Variants in EGF observed in about 807,000 individuals in gnomAD.
EGF encodes the protein pro-epidermal growth factor.
In EGF, 95 loss-of-function variants were observed where a neutral mutation model predicts 143.8. That is an observed-to-expected ratio of 0.66 (90% CI 0.56 to 0.78). The LOEUF (loss-of-function observed/expected upper bound fraction) is 0.78, where lower values mean the gene tolerates loss of function less well. Ranked by LOEUF, EGF falls within the 30% of genes least tolerant of loss-of-function variation. EGF has a pLI of 0.00. For synonymous variants in EGF, 510 were observed against 510.5 expected (o/e 1.00, Z 0.01); for missense variants, 1,320 against 1,470.9 (o/e 0.90, Z 1.68).
chr4:109,961,835 A>T, intron 7 of EGF, 28 bp from the exon 8 acceptor site: 1 of 1,612,612 alleles, frequency 6.2e-7, no homozygotes, highest in South Asian at 1.1e-5. Flanking sequence ...ATTTAACACT[A>T]ATCTTGACCT....
intron 2 of EGF, among the ~76,000 whole-genome samples, chr4:109,942,786 G>A (rs529064010): frequency 1.3e-5 from 2 of 152,278 alleles, no homozygotes; most frequent in African/African-American, 4.8e-5. Flanking sequence ...AGGGCCAGAA[G>A]AATAAAGGCC....
At chr4:109,966,773 T>C (rs566643943) in intron 10 of EGF, among the ~76,000 whole-genome samples, 1 of 152,324 alleles carries the variant, frequency 6.6e-6, no homozygotes, top group Non-Finnish European at 1.5e-5. Context: ...GATTTTGATT[T>C]TCATTTCTCT....
rs772189572 is a variant in EGF, at chr4:110,004,215, T to TACACAC, written c.3174-258_3174-253dup. 5,648 of 356,466 alleles carry TACACAC rather than the reference T, an allele frequency of 0.016. 41 individuals are homozygous for TACACAC. Among genetic ancestry groups the TACACAC allele is most frequent in the African/African-American group, 0.076 (2,331 of 30,548 alleles). 22.1% of individuals were successfully genotyped at this position (356,466 alleles called of 1,614,324 possible). A position where few individuals can be genotyped will look rare whatever the true frequency, so the allele number is the denominator to read the frequency against. On this transcript the variant is annotated intron_variant, in intron 21 of 23. Coordinates refer to ENST00000265171, the MANE Select transcript of EGF (RefSeq NM_001963.6). ...TCCCCCCAACATACATGGGCATACA[T>TACACAC]ACACACACACACACACACACACACA...
Position 110,004,563 on chromosome 4 carries a change from G to A in EGF, c.3232G>A (p.Val1078Met). Residue 1078 changes from valine (V) to methionine (M), a missense_variant, in exon 22 of 24, where the codon GTG becomes ATG. By Grantham distance (21) the Val-to-Met change is conservative. Coordinates refer to ENST00000265171, the MANE Select transcript of EGF (RefSeq NM_001963.6). ...KNPYEESSRD[V>M]RSRRPADTED... is the part of the protein sequence containing the mutation. ...TCCTTATGAGGAGTCGAGCAGAGAT[G>A]TGAGGAGTCGCAGGCCTGCTGACAC... 6.2e-7 allele frequency: 1 copy of A among 1,614,066 alleles called. No homozygotes were observed. The highest frequency in any genetic ancestry group is 8.5e-7 in the Non-Finnish European group (1 of 1,179,918).
intron 5 of EGF, among the ~76,000 whole-genome samples, chr4:109,955,365 T>G (rs543129813): frequency 2.5e-4 from 38 of 152,294 alleles, no homozygotes; most frequent in African/African-American, 8.9e-4. Flanking sequence ...GCATTCTCAG[T>G]GCTGGCTTTG....
intron 8 of EGF, 108 bp from the exon 9 acceptor site, chr4:109,963,065 A>G: frequency 5.7e-6 from 1 of 176,584 alleles, no homozygotes. Context: ...ACTCCATCTC[A>G]AAAAAAAAAA....
chr4:109,968,707 TCTAC>T lies in EGF; in HGVS notation c.1576-244_1576-241del, dbSNP rs1553937989. 28 of 351,412 alleles carry T rather than the reference TCTAC, an allele frequency of 8.0e-5. 1 individual carries two copies. The highest frequency in any genetic ancestry group is 1.3e-4 in the East Asian group (2 of 15,522). 21.8% of individuals were successfully genotyped at this position (351,412 alleles called of 1,614,324 possible). ...ATCTATCTATCTATCTATCTATCTA[TCTAC>T]CTACCTACCTACCTACCTAATAAGA... On this transcript the variant is annotated intron_variant, in intron 10 of 23. Coordinates refer to ENST00000265171, the MANE Select transcript of EGF (RefSeq NM_001963.6).
At chr4:109,918,786 CTGCT>C (rs1579435379) in intron 1 of EGF, among the ~76,000 whole-genome samples, 2 of 152,176 alleles carry the variant, frequency 1.3e-5, no homozygotes, top group Admixed American at 6.5e-5. Flanking sequence ...AGGGCAGGGG[CTGCT>C]TACATCCCAG....
At chr4:109,924,818 T>G (rs1349040419) in intron 1 of EGF, among the ~76,000 whole-genome samples, 1 of 152,136 alleles carries the variant, frequency 6.6e-6, no homozygotes, top group Non-Finnish European at 1.5e-5. Flanking sequence ...TAAATCTCCA[T>G]AGATCTGACC....
intron 19 of EGF, among the ~76,000 whole-genome samples, chr4:109,994,031 G>GAT: frequency 7.1e-6 from 1 of 140,822 alleles, no homozygotes; most frequent in South Asian, 2.2e-4. Flanking sequence ...CTTGGTCTCT[G>GAT]TTTTTTTTTT....
chr4:109,960,882 C>A lies in EGF; in HGVS notation c.1082C>A (p.Ala361Asp). ...CATTGTGCAGATGTTAATGAATGTG[C>A]TTTTTGGAATCATGGCTGTACTCTT... ...RKYCEDVNEC[A>D]FWNHGCTLGC... Residue 361 changes from alanine to aspartate, a missense_variant, in exon 7 of 24, where the codon GCT becomes GAT. By Grantham distance (126) the Ala-to-Asp change is moderately radical. Transcript: ENST00000265171. 1 of 1,613,850 alleles carries A rather than the reference C, an allele frequency of 6.2e-7. No individual in the cohort carries two copies. The highest frequency in any genetic ancestry group is 8.5e-7 in the Non-Finnish European group (1 of 1,179,870).
chr4:109,974,570 T>C (rs1363100575), intron 11 of EGF, 133 bp from the exon 12 acceptor site: 9 of 684,432 alleles, frequency 1.3e-5, no homozygotes, highest in Non-Finnish European at 2.4e-5. Flanking sequence ...GAGTAAGAGA[T>C]AGGGAGAGAG....
chr4:109,971,341 C>T (rs1442544089), intron 11 of EGF, among the ~76,000 whole-genome samples: 1 of 152,094 alleles, frequency 6.6e-6, no homozygotes, highest in Non-Finnish European at 1.5e-5. Flanking sequence ...TGTGTTGAAC[C>T]TACTTAAAAG....
chr4:109,980,125 C>T lies in EGF; in HGVS notation c.2207C>T (p.Pro736Leu), dbSNP rs1749114390. ...LKPSSLVVVH[P>L]LAKPGADPCL... ...CCCTCATCACTGGTTGTGGTTCATC[C>T]ATTGGCAAAACCAGGTACATACTGG... Residue 736 changes from proline to leucine, a missense_variant, in exon 14 of 24, where the codon CCA (proline) becomes CTA (leucine). Pro to Leu is a moderately conservative substitution (Grantham distance 98). Coordinates refer to ENST00000265171, the MANE Select transcript of EGF (RefSeq NM_001963.6). 1.2e-6 allele frequency: 2 copies of T among 1,609,666 alleles called. No individual in the cohort carries two copies. The highest frequency in any genetic ancestry group is 1.3e-5 in the African/African-American group (1 of 74,752).
At chr4:109,918,253 TG>T (rs1737048601) in intron 1 of EGF, among the ~76,000 whole-genome samples, 2 of 119,710 alleles carry the variant, frequency 1.7e-5, no homozygotes. Flanking sequence ...TTGCTAGGTG[TG>T]GTTTTTTTTT....
intron 11 of EGF, among the ~76,000 whole-genome samples, chr4:109,973,445 T>C (rs1747987420): frequency 1.3e-5 from 2 of 152,182 alleles, no homozygotes; most frequent in South Asian, 4.1e-4. Flanking sequence ...TTTGTTATTA[T>C]CTTCAGGAAT....
intron 5 of EGF, among the ~76,000 whole-genome samples, chr4:109,956,836 G>C (rs996877605): frequency 5.9e-5 from 9 of 152,016 alleles, no homozygotes; most frequent in Admixed American, 5.2e-4. Context: ...TGAAAAAACA[G>C]GTTCAAAATA....
At chr4:109,943,016 T>C (rs1237335922) in intron 2 of EGF, among the ~76,000 whole-genome samples, 2 of 152,230 alleles carry the variant, frequency 1.3e-5, no homozygotes, top group Non-Finnish European at 2.9e-5. Context: ...TAGGATAATT[T>C]TTAGTTTCAA....
In EGF at chr4:109,976,179, T is replaced by C. The variant is rs201134688; in HGVS notation, c.1997T>C (p.Ile666Thr). The C allele has an allele frequency of 6.2e-7, 1 of 1,614,136 alleles. No homozygotes were observed. Among genetic ancestry groups the C allele is most frequent in the Non-Finnish European group, 8.5e-7 (1 of 1,180,012 alleles). ...LYWCDAKQSV[I>T]EMANLDGSKR... ...TGGTGCGATGCCAAGCAGTCTGTGA[T>C]TGAAATGGCCAATCTGGATGGTTCA... Residue 666 changes from isoleucine to threonine, a missense_variant, in exon 13 of 24, where the codon ATT becomes ACT. By Grantham distance (89) the Ile-to-Thr change is moderately conservative. Around this residue, in one of 5 missense-constraint regions of EGF, gnomAD observed 1,186 missense variants for 1,313.7 expected, o/e 0.90. Transcript: ENST00000265171.
Sources: gnomAD v4.1 joint callset for allele counts (sites outside exome capture counted in the v4.1 genomes callset) on GRCh38, gnomAD v4.1.1 for gene constraint, gnomAD v4.1.1 regional missense constraint, MANE v1.5 for transcripts, NCBI Gene and HGNC (gene_info 2026-07-23, HGNC 2026-07-21) for gene names.